The following GRIA3 variants were observed in gnomAD, a reference collection of about 807,000 sequenced individuals.
The protein encoded by GRIA3 is glutamate ionotropic receptor AMPA type subunit 3.
A neutral mutation model predicts 63.0 loss-of-function variants in GRIA3; 3 were observed. That is an observed-to-expected ratio of 0.05 (90% CI 0.02 to 0.12). GRIA3 has a LOEUF of 0.12. Among genes scored for constraint, GRIA3 ranks in the 10% least tolerant of loss-of-function variants. The probability of loss-of-function intolerance (pLI) is 1.00; values close to 1 mark genes in which losing one functional copy is unlikely to be tolerated. For synonymous variants in GRIA3, 274 were observed against 257.9 expected (o/e 1.06, Z -0.60); for missense variants, 347 against 700.9 (o/e 0.50, Z 5.70).
At chrX:123,280,988 A>G (rs1050348626) in intron 3 of GRIA3, among the ~76,000 whole-genome samples, 9 of 111,737 alleles carry the variant, frequency 8.1e-5, no homozygotes, top group African/African-American at 2.9e-4. Context: ...GACTTACTCA[A>G]GGCCGAGATT....
At chrX:123,395,963 C>T (rs1388262643) in intron 6 of GRIA3, among the ~76,000 whole-genome samples, 1 of 110,046 alleles carries the variant, frequency 9.1e-6, no homozygotes, top group Non-Finnish European at 1.9e-5. Context: ...AAGACCCTTT[C>T]CTAGAAAAGG....
intron 5 of GRIA3, among the ~76,000 whole-genome samples, chrX:123,375,288 A>G: frequency 8.9e-6 from 1 of 112,258 alleles, no homozygotes; most frequent in East Asian, 2.8e-4. Context: ...GATAAATCCC[A>G]CTTGGTCTTG....
At chrX:123,231,257 A>G (rs1404247887) in intron 2 of GRIA3, among the ~76,000 whole-genome samples, 4 of 111,972 alleles carry the variant, frequency 3.6e-5, no homozygotes, top group African/African-American at 1.3e-4. Context: ...CAAAGGAATC[A>G]TAAAACATTC....
intron 2 of GRIA3, among the ~76,000 whole-genome samples, chrX:123,234,884 A>G (rs2044294286): frequency 8.9e-6 from 1 of 111,742 alleles, no homozygotes; most frequent in Non-Finnish European, 1.9e-5. Context: ...CAAATAGCAC[A>G]TATGCATTGA....
At chrX:123,380,738 T>G (rs28591452) in intron 5 of GRIA3, among the ~76,000 whole-genome samples, 3 of 108,580 alleles carry the variant, frequency 2.8e-5, no homozygotes, top group East Asian at 2.9e-4. Flanking sequence ...TGTCCTGAAT[T>G]GTATTGCCTA....
chrX:123,398,290 C>G (rs1319421872), intron 6 of GRIA3, among the ~76,000 whole-genome samples: 1 of 112,145 alleles, frequency 8.9e-6, no homozygotes, highest in Non-Finnish European at 1.9e-5. Flanking sequence ...TGTTTCCTCT[C>G]CAGTCTATAC....
At chrX:123,420,336 T>C (rs919444730) in intron 11 of GRIA3, among the ~76,000 whole-genome samples, 5 of 112,009 alleles carry the variant, frequency 4.5e-5, no homozygotes, top group African/African-American at 1.3e-4. Context: ...GTATGGGGTA[T>C]GCCTCATTTA....
At chrX:123,366,090 G>C (rs1390664677) in intron 5 of GRIA3, among the ~76,000 whole-genome samples, 1 of 111,445 alleles carries the variant, frequency 9.0e-6, no homozygotes, top group Non-Finnish European at 1.9e-5. Context: ...GTAGCAATGA[G>C]GACAACCAGA....
chrX:123,463,786 AAGAG>A (rs1428430276), intron 12 of GRIA3, among the ~76,000 whole-genome samples: 2 of 100,708 alleles, frequency 2.0e-5, no homozygotes, highest in African/African-American at 9.2e-5. Flanking sequence ...AAGAAAAAGA[AAGAG>A]AAAGAAAGAA....
chrX:123,415,890 C>G (rs1391030034), intron 10 of GRIA3, among the ~76,000 whole-genome samples: 2 of 111,704 alleles, frequency 1.8e-5, no homozygotes, highest in Non-Finnish European at 3.8e-5. Context: ...TTGGAATGAA[C>G]CTAAGAGGGG....
intron 5 of GRIA3, among the ~76,000 whole-genome samples, chrX:123,394,617 T>C (rs2045403616): frequency 8.9e-6 from 1 of 112,035 alleles, no homozygotes; most frequent in African/African-American, 3.2e-5. Context: ...TTTTCAACAT[T>C]TTCCAATTAC....
chrX:123,219,202 A>T (rs914387473), intron 2 of GRIA3, among the ~76,000 whole-genome samples: 1 of 112,482 alleles, frequency 8.9e-6, no homozygotes, highest in Non-Finnish European at 1.9e-5. Context: ...GAATCCACTC[A>T]CAGGCAGGTG....
In GRIA3 at chrX:123,237,152, G is replaced by A. The variant is rs1029733665; in HGVS notation, c.269-16151G>A. Among the ~76,000 whole-genome samples, 10 of 111,695 alleles carry A rather than the reference G, an allele frequency of 9.0e-5. 1 individual carries two copies. Among genetic ancestry groups the A allele is most frequent in the African/African-American group, 3.3e-4 (10 of 30,715 alleles). The stretch of plus-strand genomic sequence containing the variant: ...GATTTAGAGAATGGCATTCCAGGAT[G>A]GGGACACAGCATGAGAAAATGCTCA... On this transcript the variant is annotated intron_variant, in intron 2 of 15. Transcript: ENST00000620443.
intron 2 of GRIA3, chrX:123,204,553 A>C: frequency 8.6e-7 from 1 of 1,160,955 alleles, no homozygotes; most frequent in Non-Finnish European, 1.2e-6. Flanking sequence ...GGTTGAACCC[A>C]AACCCATTTT....
intron 3 of GRIA3, among the ~76,000 whole-genome samples, chrX:123,271,541 T>G (rs1418407722): frequency 8.9e-6 from 1 of 111,941 alleles, no homozygotes; most frequent in African/African-American, 3.2e-5. Flanking sequence ...CTGCACACCT[T>G]TAGGACAAAA....
At chrX:123,386,164 G>A (rs960133337) in intron 5 of GRIA3, among the ~76,000 whole-genome samples, 7 of 110,789 alleles carry the variant, frequency 6.3e-5, no homozygotes, top group Non-Finnish European at 1.3e-4. Flanking sequence ...TTTTTTGTGT[G>A]GTTTTAATTT....
chrX:123,328,978 G>T (rs2044923447), intron 4 of GRIA3, among the ~76,000 whole-genome samples: 1 of 111,905 alleles, frequency 8.9e-6, no homozygotes, highest in Admixed American at 9.4e-5. Context: ...AAAATACAGA[G>T]ATATCTATCA....
At chrX:123,428,864 A>C (rs1276325070) in intron 12 of GRIA3, among the ~76,000 whole-genome samples, 1 of 112,248 alleles carries the variant, frequency 8.9e-6, no homozygotes, top group Admixed American at 9.5e-5. Flanking sequence ...AATATGAGGG[A>C]CAAACCACTT....
chrX:123,231,832 G>A (rs987622550), intron 2 of GRIA3, among the ~76,000 whole-genome samples: 3 of 111,324 alleles, frequency 2.7e-5, no homozygotes, highest in South Asian at 7.6e-4. Flanking sequence ...ATAAAACAGC[G>A]ATCTACAGTA....
Sources: allele counts gnomAD v4.1 joint callset (sites outside exome capture counted in the v4.1 genomes callset), GRCh38; gene constraint gnomAD v4.1.1; transcripts MANE v1.5; gene names NCBI Gene and HGNC (gene_info 2026-07-23, HGNC 2026-07-21).